The following RHBDL3 variants were observed in gnomAD, a reference collection of about 807,000 sequenced individuals.
RHBDL3 encodes the protein rhomboid like 3, also known as rhomboid-related protein 3.
In RHBDL3, 28 loss-of-function variants were observed where a neutral mutation model predicts 48.2. The ratio of observed to expected loss-of-function variants is 0.58; its 90% CI spans 0.43 to 0.80. The LOEUF (loss-of-function observed/expected upper bound fraction) is 0.80. RHBDL3 is among the 30% of genes least tolerant of loss of function. The pLI is 0.00. For synonymous variants in RHBDL3, 208 were observed against 232.3 expected (o/e 0.90, Z 0.95); for missense variants, 464 against 542.7 (o/e 0.85, Z 1.44).
chr17:32,293,705 G>T (rs914261147), intron 4 of RHBDL3, among the ~76,000 whole-genome samples: 1 of 152,138 alleles, frequency 6.6e-6, no homozygotes, highest in African/African-American at 2.4e-5. Flanking sequence ...GTTATTACTG[G>T]AATTAAAGTT....
At chr17:32,270,964 G>A (rs949431959) in intron 2 of RHBDL3, among the ~76,000 whole-genome samples, 1 of 152,126 alleles carries the variant, frequency 6.6e-6, no homozygotes, top group Non-Finnish European at 1.5e-5. Flanking sequence ...GGGAAGCCAA[G>A]GTGGGCAGAT....
chr17:32,317,852 G>A (rs1776306797), intron 8 of RHBDL3, among the ~76,000 whole-genome samples: 1 of 152,104 alleles, frequency 6.6e-6, no homozygotes, highest in African/African-American at 2.4e-5. Flanking sequence ...AGGGGGATAA[G>A]ACCAAAGACC....
intron 2 of RHBDL3, among the ~76,000 whole-genome samples, chr17:32,271,177 T>C (rs2150688803): frequency 6.6e-6 from 1 of 152,362 alleles, no homozygotes; most frequent in Non-Finnish European, 1.5e-5. Flanking sequence ...ATATGCCCTT[T>C]TATTTCCTAC....
chr17:32,298,716 G>A (rs2040513284), intron 6 of RHBDL3, among the ~76,000 whole-genome samples: 1 of 152,236 alleles, frequency 6.6e-6, no homozygotes, highest in Non-Finnish European at 1.5e-5. Flanking sequence ...TCCCCAAAAA[G>A]AGAGCTGGCT....
At chr17:32,307,950 AAG>A (rs1259956247) in intron 7 of RHBDL3, among the ~76,000 whole-genome samples, 2 of 152,114 alleles carry the variant, frequency 1.3e-5, no homozygotes, top group East Asian at 3.9e-4. Context: ...GCTCAACTGA[AAG>A]AGAACACAGG....
At chr17:32,269,494 T>C (rs868060177) in intron 2 of RHBDL3, among the ~76,000 whole-genome samples, 1 of 152,218 alleles carries the variant, frequency 6.6e-6, no homozygotes, top group Non-Finnish European at 1.5e-5. Flanking sequence ...GCGAAAGGCC[T>C]GGGGTGAGGA....
At chr17:32,307,676 A>AGT (rs908105760) in intron 7 of RHBDL3, among the ~76,000 whole-genome samples, 5 of 152,270 alleles carry the variant, frequency 3.3e-5, no homozygotes, top group African/African-American at 1.2e-4. Context: ...TGAGCCTCTC[A>AGT]GTGTGTGTGT....
At chr17:32,276,690 A>AGCCCTAGCACAGTACTCCG (rs1311950380) in intron 2 of RHBDL3, among the ~76,000 whole-genome samples, 2 of 140,974 alleles carry the variant, frequency 1.4e-5, no homozygotes, top group East Asian at 4.0e-4. Context: ...ACCGTACTCC[A>AGCCCTAGCACAGTACTCCG]GCCCTAGCAC....
rs549299397 is a variant in RHBDL3 at position 32,315,013 on chromosome 17, G to C, written c.883-1219G>C. Reference sequence around the variant, plus strand: ...TTGCTGGTCAGTGAGGAAGGATGGGGAGAAGGGAGGAGGTGGGCAAGAACT... The same window carrying C: ...TTGCTGGTCAGTGAGGAAGGATGGGCAGAAGGGAGGAGGTGGGCAAGAACT... On this transcript the variant is annotated intron_variant, in intron 7 of 8. Transcript: ENST00000269051. 3.3e-5 allele frequency among the ~76,000 whole-genome samples: 5 copies of C among 152,358 alleles called. No individual in the cohort carries two copies. In the East Asian group the frequency reaches 9.6e-4, roughly 29 times the overall value.
rs1333113376 is a variant in RHBDL3, at chr17:32,324,564, T to C, written c.*3335T>C. ...ACAAAACACAGACTGCAATGTTTGT[T>C]TCTAAGTATTTTTGTATTGTGTACA... On this transcript the variant is annotated 3_prime_UTR_variant, in exon 9 of 9. Coordinates refer to ENST00000269051, the MANE Select transcript of RHBDL3 (RefSeq NM_138328.3). The C allele has an allele frequency of 6.6e-6, 1 of 152,602 alleles. No individual in the cohort carries two copies. Among genetic ancestry groups the C allele is most frequent in the Non-Finnish European group, 1.5e-5 (1 of 68,044 alleles). 9.5% of individuals were successfully genotyped at this position (152,602 alleles called of 1,614,324 possible).
intron 4 of RHBDL3, among the ~76,000 whole-genome samples, chr17:32,290,632 T>G (rs1188537616): frequency 1.3e-5 from 2 of 151,794 alleles, no homozygotes; most frequent in African/African-American, 2.4e-5. Flanking sequence ...CAGCAAGCAA[T>G]AAGAAACAGC....
Position 32,310,865 on chromosome 17 carries a change from CAG to C in RHBDL3, c.883-5364_883-5363del, listed in dbSNP as rs1351157002. 3.0e-5 allele frequency among the ~76,000 whole-genome samples: 4 copies of C among 134,556 alleles called. No individual in the cohort carries two copies. In the East Asian group the frequency reaches 8.9e-4, roughly 30 times the overall value. The allele number at this position is 134,556 out of a possible 152,430, so 88.3% of individuals were successfully genotyped here. ...CACCACTGCACTTCAGCCTGGGCGA[CAG>C]AGTCAGGCTCCATCTCAAAAAAAAA... On this transcript the variant is annotated intron_variant, in intron 7 of 8. Coordinates refer to ENST00000269051, the MANE Select transcript of RHBDL3 (RefSeq NM_138328.3).
In RHBDL3 at chr17:32,323,311, T is replaced by G. The variant is rs1229575838; in HGVS notation, c.*2082T>G. The G allele has an allele frequency of 1.3e-5, 2 of 152,194 alleles. No individual in the cohort carries two copies. Among genetic ancestry groups the G allele is most frequent in the African/African-American group, 4.8e-5 (2 of 41,414 alleles). 9.4% of individuals were successfully genotyped at this position (152,194 alleles called of 1,614,324 possible). Reference sequence around the variant, plus strand: ...TCTCTGCCCTAGTGATAGAAAGATGTAGATGGAAGTCAGTGCCTCAGAGGA... The same window carrying G: ...TCTCTGCCCTAGTGATAGAAAGATGGAGATGGAAGTCAGTGCCTCAGAGGA... On this transcript the variant is annotated 3_prime_UTR_variant, in exon 9 of 9. Coordinates refer to ENST00000269051, the MANE Select transcript of RHBDL3 (RefSeq NM_138328.3).
In RHBDL3 at chr17:32,288,846, A is replaced by T. The variant is rs778557125; in HGVS notation, c.349A>T (p.Arg117Trp). 2.2e-5 allele frequency: 36 copies of T among 1,613,980 alleles called. No individual in the cohort carries two copies. The highest frequency in any genetic ancestry group is 1.7e-4 in the Middle Eastern group (1 of 6,052). Residue 117 changes from arginine (R) to tryptophan (W), a missense_variant, in exon 4 of 9, where the codon AGG becomes TGG. Arg to Trp is a moderately radical substitution (Grantham distance 101). Transcript: ENST00000269051. ...CCAAGCCATCCTGCAGGGCAACCGCAGGCTAAGCAGCAAGGCCCTGCTGGA... is the reference window on the plus strand; with the variant it reads ...CCAAGCCATCCTGCAGGGCAACCGCTGGCTAAGCAGCAAGGCCCTGCTGGA... ...FRQAILQGNR[R>W]LSSKALLEEK...
chr17:32,298,243 C>A, intron 6 of RHBDL3, 39 bp downstream of exon 6: 1 of 1,405,736 alleles, frequency 7.1e-7, no homozygotes, highest in Admixed American at 1.7e-5. Flanking sequence ...GGCACACTGC[C>A]CCAGGGTGGG....
intron 1 of RHBDL3, 68 bp downstream of exon 1, chr17:32,266,368 G>A: frequency 2.4e-6 from 2 of 816,536 alleles, no homozygotes; most frequent in Non-Finnish European, 3.5e-6. Context: ...CCCCTGTCTC[G>A]CCCCACGCCG....
chr17:32,281,397 C>T lies in RHBDL3; in HGVS notation c.136-3262C>T, dbSNP rs2040041087. On this transcript the variant is annotated intron_variant, in intron 2 of 8. Transcript: ENST00000269051. ...GCCCCTAGGAGGGGATTGGTGCTTG[C>T]TCCCAGGGCACGCAAAGTCATTGGG... Among the ~76,000 whole-genome samples, 3 of 152,110 alleles carry T rather than the reference C, an allele frequency of 2.0e-5. No homozygotes were observed. The South Asian group carries it at 6.2e-4, about 32-fold the overall frequency.
At chr17:32,304,418 G>GTGCA (rs1398955566) in intron 6 of RHBDL3, among the ~76,000 whole-genome samples, 1 of 152,208 alleles carries the variant, frequency 6.6e-6, no homozygotes, top group Non-Finnish European at 1.5e-5. Flanking sequence ...GAGGCCAAGA[G>GTGCA]TGCAGGCTTT....
At chr17:32,283,317 C>CTT (rs1156849774) in intron 2 of RHBDL3, among the ~76,000 whole-genome samples, 987 of 92,892 alleles carry the variant, frequency 0.011, 24 homozygotes, top group Non-Finnish European at 0.015. Flanking sequence ...GCCTTTTCTT[C>CTT]TTTTTTTTTT....
Sources: gnomAD v4.1 joint callset for allele counts (sites outside exome capture counted in the v4.1 genomes callset) on GRCh38, gnomAD v4.1.1 for gene constraint, MANE v1.5 for transcripts, NCBI Gene and HGNC (gene_info 2026-07-23, HGNC 2026-07-21) for gene names.